Variants in MFAP3 observed in about 807,000 individuals in gnomAD.
The protein encoded by MFAP3 is microfibril-associated glycoprotein 3.
In MFAP3, 8 loss-of-function variants were observed where a neutral mutation model predicts 20.5. That is an observed-to-expected ratio of 0.39 (90% CI 0.23 to 0.70). MFAP3 has a LOEUF of 0.70. Among genes scored for constraint, MFAP3 ranks in the 30% least tolerant of loss-of-function variants. MFAP3 has a pLI of 0.44. For synonymous variants in MFAP3, 140 were observed against 154.0 expected (o/e 0.91, Z 0.67); for missense variants, 398 against 444.6 (o/e 0.90, Z 0.94).
rs1285580025 is a variant in MFAP3 at position 154,053,827 on chromosome 5, A to G, written c.*114A>G. On this transcript the variant is annotated 3_prime_UTR_variant, in exon 3 of 3. Transcript: ENST00000522782. Reference sequence around the variant, plus strand: ...AGATGACTGGGGTTTTCCGTTTGTTAATATTAAGCACATCAGAACGTGAAT... The same window carrying G: ...AGATGACTGGGGTTTTCCGTTTGTTGATATTAAGCACATCAGAACGTGAAT... The G allele has an allele frequency of 1.2e-5, 11 of 934,894 alleles. No homozygotes were observed. Among genetic ancestry groups the G allele is most frequent in the Admixed American group, 2.5e-5 (1 of 40,642 alleles). 57.9% of individuals were successfully genotyped at this position (934,894 alleles called of 1,614,324 possible).
rs756250808 is a variant in MFAP3, at chr5:154,053,580, A to G, written c.956A>G (p.His319Arg). ...GQEIAVQVSV[H>R]LQSETKSIDT... ...GAAATAGCAGTTCAGGTTTCTGTCC[A>G]CCTTCAGTCAGAAACCAAAAGTATT... Residue 319 changes from histidine to arginine, a missense_variant, in exon 3 of 3, where the codon CAC (histidine) becomes CGC (arginine). Coordinates refer to ENST00000522782, the MANE Select transcript of MFAP3 (RefSeq NM_005927.5). The G allele has an allele frequency of 5.1e-5, 82 of 1,613,964 alleles. No individual in the cohort carries two copies. Among genetic ancestry groups the G allele is most frequent in the Non-Finnish European group, 6.8e-5 (80 of 1,179,930 alleles).
At position 154,052,912 on chromosome 5, in the gene MFAP3, A is replaced by G. The variant is rs150483475; in HGVS notation, c.296-8A>G. On this transcript the variant is annotated splice_region_variant and splice_polypyrimidine_tract_variant and intron_variant, in intron 2 of 2. Coordinates refer to ENST00000522782, the MANE Select transcript of MFAP3 (RefSeq NM_005927.5). Reference sequence around the variant, plus strand: ...ATAATTTTTTTTTCATTTCTGTTCAATTATCAGGTGGAAAGTGGTTGGTTT... The same window carrying G: ...ATAATTTTTTTTTCATTTCTGTTCAGTTATCAGGTGGAAAGTGGTTGGTTT... 2.4e-5 allele frequency: 38 copies of G among 1,599,098 alleles called. No homozygotes were observed. Among genetic ancestry groups the G allele is most frequent in the Non-Finnish European group, 1.7e-5 (20 of 1,170,974 alleles).
chr5:154,045,920 G>A (rs1241879374), intron 1 of MFAP3, among the ~76,000 whole-genome samples: 6 of 152,170 alleles, frequency 3.9e-5, no homozygotes, highest in Admixed American at 2.6e-4. Context: ...CATTCTGCAG[G>A]TCAGTTGCAG....
Position 154,054,190 on chromosome 5 carries a change from T to A in MFAP3, c.*477T>A, listed in dbSNP as rs747705317. ...TCTAAGTAAACCTTTCCCGGGACTT[T>A]TACTCGCTTCTTTTGGAAAGGATTA... On this transcript the variant is annotated 3_prime_UTR_variant, in exon 3 of 3. Coordinates refer to ENST00000522782, the MANE Select transcript of MFAP3 (RefSeq NM_005927.5). The A allele has an allele frequency of 2.4e-5, 4 of 168,534 alleles. No homozygotes were observed. Among genetic ancestry groups the A allele is most frequent in the Non-Finnish European group, 4.3e-5 (3 of 69,248 alleles). 10.4% of individuals were successfully genotyped at this position (168,534 alleles called of 1,614,324 possible).
chr5:154,056,928 T>C lies in MFAP3; in HGVS notation c.*3215T>C, dbSNP rs973344553. Among the ~76,000 whole-genome samples, 1 of 152,258 alleles carries C rather than the reference T, an allele frequency of 6.6e-6. No individual in the cohort carries two copies. Among genetic ancestry groups the C allele is most frequent in the African/African-American group, 2.4e-5 (1 of 41,476 alleles). On this transcript the variant is annotated 3_prime_UTR_variant, in exon 3 of 3. Coordinates refer to ENST00000522782, the MANE Select transcript of MFAP3 (RefSeq NM_005927.5). ...CGGTTGTGAGAAGACTCCTGGCTTCTTTCTTGCCTCACTTAACAAATATTT... is the reference window on the plus strand; with the variant it reads ...CGGTTGTGAGAAGACTCCTGGCTTCCTTCTTGCCTCACTTAACAAATATTT...
At chr5:154,045,982 A>G (rs761630508) in intron 1 of MFAP3, among the ~76,000 whole-genome samples, 38 of 152,352 alleles carry the variant, frequency 2.5e-4, no homozygotes, top group African/African-American at 8.4e-4. Context: ...CATGAATCCA[A>G]TGCCTCAGAA....
Position 154,053,443 on chromosome 5 carries a change from G to A in MFAP3, c.819G>A (p.Glu273=), listed in dbSNP as rs1376886752. 6.2e-7 allele frequency: 1 copy of A among 1,614,016 alleles called. No homozygotes were observed. Among genetic ancestry groups the A allele is most frequent in the Non-Finnish European group, 8.5e-7 (1 of 1,179,964 alleles). The change falls in exon 3 of 3, where the codon GAG becomes GAA. Residue 273 remains glutamate (E), a synonymous_variant. Transcript: ENST00000522782. ...ATGACCTGGGTGAAAGAATTAAAGA[G>A]AGACCTGCCTTGAATGCTCAAGGTG... ...DPDDLGERIK[E]RPALNAQGGI...
Position 154,054,579 on chromosome 5 carries a change from TC to T in MFAP3, c.*867del, listed in dbSNP as rs1165969404. 6.0e-6 allele frequency: 1 copy of T among 167,060 alleles called. No individual in the cohort carries two copies. Among genetic ancestry groups the T allele is most frequent in the African/African-American group, 2.4e-5 (1 of 41,460 alleles). 10.3% of individuals were successfully genotyped at this position (167,060 alleles called of 1,614,324 possible). ...AATAAGAACAGTGTCAAATCATCTG[TC>T]TTCTGGAAAATCATGGATTTTCATA... On this transcript the variant is annotated 3_prime_UTR_variant, in exon 3 of 3. Coordinates refer to ENST00000522782, the MANE Select transcript of MFAP3 (RefSeq NM_005927.5).
At chr5:154,040,977 C>A (rs1355651094) in intron 1 of MFAP3, among the ~76,000 whole-genome samples, 1 of 152,182 alleles carries the variant, frequency 6.6e-6, no homozygotes, top group African/African-American at 2.4e-5. Flanking sequence ...ATTTTGAGCA[C>A]TTGCCACAGG....
intron 1 of MFAP3, among the ~76,000 whole-genome samples, chr5:154,040,709 A>G (rs892560811): frequency 6.6e-6 from 1 of 152,200 alleles, no homozygotes; most frequent in African/African-American, 2.4e-5. Context: ...CCAATTCAAT[A>G]AGTCTGTGGG....
At chr5:154,050,221 C>CTAATTT (rs1465791289) in intron 2 of MFAP3, among the ~76,000 whole-genome samples, 1 of 152,048 alleles carries the variant, frequency 6.6e-6, no homozygotes, top group Non-Finnish European at 1.5e-5. Flanking sequence ...AAGAATCATT[C>CTAATTT]TAAATTTAAA....
chr5:154,053,542 T>A lies in MFAP3; in HGVS notation c.918T>A (p.Asn306Lys). Residue 306 changes from asparagine (N) to lysine (K), a missense_variant, in exon 3 of 3, where the codon AAT (asparagine) becomes AAA (lysine). Transcript: ENST00000522782. The part of the protein sequence containing the change: ...PGGDSDDGSL[N>K]EQGQEIAVQV... ...GAGATTCAGATGATGGCTCTCTGAATGAACAAGGCCAGGAAATAGCAGTTC... is the reference window on the plus strand; with the variant it reads ...GAGATTCAGATGATGGCTCTCTGAAAGAACAAGGCCAGGAAATAGCAGTTC... 6.2e-7 allele frequency: 1 copy of A among 1,613,916 alleles called. No homozygotes were observed. Among genetic ancestry groups the A allele is most frequent in the Non-Finnish European group, 8.5e-7 (1 of 1,179,948 alleles).
At chr5:154,045,410 A>G (rs1773053388) in intron 1 of MFAP3, among the ~76,000 whole-genome samples, 1 of 152,194 alleles carries the variant, frequency 6.6e-6, no homozygotes, top group Non-Finnish European at 1.5e-5. Flanking sequence ...TTGCAATGAG[A>G]AAAAGAAAAA....
At chr5:154,044,373 C>A (rs1773029042) in intron 1 of MFAP3, among the ~76,000 whole-genome samples, 1 of 152,156 alleles carries the variant, frequency 6.6e-6, no homozygotes, top group Non-Finnish European at 1.5e-5. Flanking sequence ...CTATTTTTTT[C>A]TGCTTTGTCA....
chr5:154,048,001 G>A (rs1188661945), intron 1 of MFAP3, among the ~76,000 whole-genome samples: 1 of 152,296 alleles, frequency 6.6e-6, no homozygotes, highest in Admixed American at 6.5e-5. Flanking sequence ...CCCTAGCACA[G>A]TGCTTGGCTG....
chr5:154,052,039 CCA>C (rs1773203534), intron 2 of MFAP3: 2 of 152,064 alleles, frequency 1.3e-5, no homozygotes, highest in Non-Finnish European at 2.9e-5. Context: ...GCAGTCAGAG[CCA>C]AGTTATTGAA....
At chr5:154,040,455 T>A (rs1395594147) in intron 1 of MFAP3, among the ~76,000 whole-genome samples, 1 of 152,224 alleles carries the variant, frequency 6.6e-6, no homozygotes, top group Non-Finnish European at 1.5e-5. Flanking sequence ...AATCATCATG[T>A]AACTTTTAGA....
rs1250256956 is a variant in MFAP3, at chr5:154,050,126, G to GT, written c.295+112dup. On this transcript the variant is annotated intron_variant, in intron 2 of 2. Coordinates refer to ENST00000522782, the MANE Select transcript of MFAP3 (RefSeq NM_005927.5). ...CAAAGATAAGGTGCCAAGGTGAATA[G>GT]TTTAAAACATTTGAAAGGTCTGGAG... 3 of 1,236,860 alleles carry GT rather than the reference G, an allele frequency of 2.4e-6. No homozygotes were observed. In the African/African-American group the frequency reaches 4.6e-5, roughly 19 times the overall value. The allele number at this position is 1,236,860 out of a possible 1,614,324, so 76.6% of individuals were successfully genotyped here. A position where few individuals can be genotyped will look rare whatever the true frequency, so the allele number is the denominator to read the frequency against.
chr5:154,049,790 A>C lies in MFAP3; in HGVS notation c.68A>C (p.Glu23Ala). Residue 23 changes from glutamate (E) to alanine (A), a missense_variant, in exon 2 of 3, where the codon GAA becomes GCA. Coordinates refer to ENST00000522782, the MANE Select transcript of MFAP3 (RefSeq NM_005927.5). The stretch of plus-strand genomic sequence containing the variant: ...ATTGTGCCAGCTGCTTTTGTTTTGG[A>C]AGATGTGGACTTCGACCAAATGGTT... ...SIIVPAAFVL[E>A]DVDFDQMVSL... is the part of the protein sequence containing the mutation. 1 of 1,613,602 alleles carries C rather than the reference A, an allele frequency of 6.2e-7. No homozygotes were observed. Among genetic ancestry groups the C allele is most frequent in the Non-Finnish European group, 8.5e-7 (1 of 1,179,680 alleles).
Sources: allele counts gnomAD v4.1 joint callset (sites outside exome capture counted in the v4.1 genomes callset), GRCh38; gene constraint gnomAD v4.1.1; transcripts MANE v1.5; gene names NCBI Gene and HGNC (gene_info 2026-07-23, HGNC 2026-07-21).